Variants in HADHA observed in about 807,000 individuals in gnomAD.
HADHA encodes trifunctional enzyme subunit alpha, mitochondrial.
In HADHA, 59 loss-of-function variants were observed where a neutral mutation model predicts 91.3. The ratio of observed to expected loss-of-function variants is 0.65; its 90% confidence interval spans 0.52 to 0.80. HADHA has a LOEUF of 0.80. Ranked by LOEUF, HADHA falls within the 30% of genes least tolerant of loss-of-function variation. The pLI is 0.00. For synonymous variants in HADHA, 320 were observed against 338.9 expected, an observed-to-expected ratio of 0.94 and a Z score of 0.61; for missense variants, 800 against 927.6, an observed-to-expected ratio of 0.86 and a Z score of 1.79.
intron 1 of HADHA, among the ~76,000 whole-genome samples, chr2:26,241,176 A>G (rs933204797): frequency 2.6e-5 from 4 of 152,196 alleles, no homozygotes; most frequent in African/African-American, 9.6e-5. Context: ...AAAACCTCAT[A>G]AGACTACAGT....
chr2:26,241,689 A>G (rs1271597800), intron 1 of HADHA, among the ~76,000 whole-genome samples: 3 of 151,910 alleles, frequency 2.0e-5, no homozygotes, highest in Non-Finnish European at 4.4e-5. Context: ...CAAAAAAACC[A>G]TCTATTAAGG....
intron 12 of HADHA, 99 bp downstream of exon 12, chr2:26,203,963 G>GAACA (rs1054551534): frequency 3.4e-6 from 4 of 1,187,882 alleles, no homozygotes; most frequent in South Asian, 2.4e-5. Context: ...GTGATGGCAA[G>GAACA]AACAAACAAA....
chr2:26,200,852 C>A (rs902060760), intron 13 of HADHA, among the ~76,000 whole-genome samples: 1 of 152,056 alleles, frequency 6.6e-6, no homozygotes, highest in African/African-American at 2.4e-5. Flanking sequence ...CCTGCTTCAG[C>A]CTCCCAAATA....
intron 7 of HADHA, among the ~76,000 whole-genome samples, chr2:26,217,404 T>C (rs1007193617): frequency 1.1e-4 from 17 of 152,064 alleles, no homozygotes; most frequent in African/African-American, 4.1e-4. Context: ...TTTGAAGAAA[T>C]AATAGCCAAA....
intron 7 of HADHA, among the ~76,000 whole-genome samples, chr2:26,222,172 A>C (rs540152650): frequency 4.7e-4 from 71 of 152,310 alleles, no homozygotes; most frequent in African/African-American, 1.6e-3. Context: ...AAAAATTTGG[A>C]AACACAAAAG....
intron 1 of HADHA, among the ~76,000 whole-genome samples, chr2:26,240,490 G>T (rs114342899): frequency 1.3e-5 from 2 of 152,120 alleles, no homozygotes; most frequent in Non-Finnish European, 2.9e-5. Context: ...GGAAGAAGGG[G>T]ATAGGTAATT....
At chr2:26,212,090 C>CT (rs200187374) in intron 10 of HADHA, 2,100 of 165,168 alleles carry the variant, frequency 0.013, 36 homozygotes, top group African/African-American at 0.047. Context: ...TCTTTTTTTT[C>CT]TTTTTTTTTG....
chr2:26,244,161 G>T (rs898021363), intron 1 of HADHA, among the ~76,000 whole-genome samples: 4 of 152,270 alleles, frequency 2.6e-5, no homozygotes, highest in African/African-American at 9.6e-5. Context: ...GGGGCAAGGT[G>T]CTGTGGAGCC....
In HADHA at chr2:26,234,210, T is replaced by A; in HGVS notation, c.453+7A>T. ...ACAGTGTCTCAATAACTTTAGAATATCTATACCTCAAGTCCTCCTCCCAGG... is the reference window on the plus strand; with the variant it reads ...ACAGTGTCTCAATAACTTTAGAATAACTATACCTCAAGTCCTCCTCCCAGG... On this transcript the variant is annotated splice_region_variant and intron_variant, in intron 5 of 19. Coordinates refer to ENST00000380649, the MANE Select transcript of HADHA (RefSeq NM_000182.5). 1 of 1,612,478 alleles carries A rather than the reference T, an allele frequency of 6.2e-7. No individual in the cohort carries two copies. Among genetic ancestry groups the A allele is most frequent in the Non-Finnish European group, 8.5e-7 (1 of 1,178,466 alleles).
chr2:26,231,497 G>C (rs1288456669), intron 6 of HADHA, among the ~76,000 whole-genome samples: 1 of 152,178 alleles, frequency 6.6e-6, no homozygotes, highest in Non-Finnish European at 1.5e-5. Flanking sequence ...GAGGGAAAAG[G>C]TCTGCCTCTT....
chr2:26,230,225 T>A lies in HADHA; in HGVS notation c.643A>T (p.Met215Leu). Reference sequence around the variant, plus strand: ...TCCACCAGTTGGTCAACCAGTCCCATTTTCTTTGCCCTGTCTGCACGAATG... The same window carrying A: ...TCCACCAGTTGGTCAACCAGTCCCAATTTCTTTGCCCTGTCTGCACGAATG... ...RSIRADRAKK[M>L]GLVDQLVEPL... Residue 215 changes from methionine (M) to leucine (L), a missense_variant, in exon 7 of 20, where the codon ATG becomes TTG. By Grantham distance (15) the Met-to-Leu change is conservative (BLOSUM62 2). Coordinates refer to ENST00000380649, the MANE Select transcript of HADHA (RefSeq NM_000182.5). 6.2e-7 allele frequency: 1 copy of A among 1,613,108 alleles called. No individual in the cohort carries two copies. Among genetic ancestry groups the A allele is most frequent in the Non-Finnish European group, 8.5e-7 (1 of 1,179,106 alleles).
intron 11 of HADHA, among the ~76,000 whole-genome samples, chr2:26,209,577 G>C (rs1670045943): frequency 6.6e-6 from 1 of 152,092 alleles, no homozygotes; most frequent in Non-Finnish European, 1.5e-5. Context: ...AATGACCAGA[G>C]GGGTTTGGAA....
At chr2:26,242,368 A>C (rs987010734) in intron 1 of HADHA, among the ~76,000 whole-genome samples, 1 of 152,232 alleles carries the variant, frequency 6.6e-6, no homozygotes, top group East Asian at 1.9e-4. Flanking sequence ...ATTGCTATTA[A>C]GGGATCAGTA....
At chr2:26,199,881 C>A (rs928058559) in intron 13 of HADHA, among the ~76,000 whole-genome samples, 1 of 152,236 alleles carries the variant, frequency 6.6e-6, no homozygotes, top group Non-Finnish European at 1.5e-5. Flanking sequence ...GGTGCCCCAA[C>A]CGAGCTTCCT....
In HADHA at chr2:26,231,497, G is replaced by T. The variant is rs1288456669; in HGVS notation, c.573+663C>A. 2.6e-5 allele frequency among the ~76,000 whole-genome samples: 4 copies of T among 152,178 alleles called. No individual in the cohort carries two copies. In the East Asian group the frequency reaches 7.7e-4, roughly 29 times the overall value. The stretch of plus-strand genomic sequence containing the variant: ...TCCAAATCAGACAATGAGGGAAAAG[G>T]TCTGCCTCTTATATTTGTAATGAAA... On this transcript the variant is annotated intron_variant, in intron 6 of 19. Coordinates refer to ENST00000380649, the MANE Select transcript of HADHA (RefSeq NM_000182.5).
At chr2:26,200,933 C>T (rs753385387) in intron 13 of HADHA, among the ~76,000 whole-genome samples, 1 of 152,130 alleles carries the variant, frequency 6.6e-6, no homozygotes, top group African/African-American at 2.4e-5. Flanking sequence ...GGGGTTTCAT[C>T]ATATCGGCCA....
chr2:26,191,265 CT>C lies in HADHA; in HGVS notation c.2276del (p.Lys759ArgfsTer17). The C allele has an allele frequency of 6.2e-7, 1 of 1,612,686 alleles. No individual in the cohort carries two copies. Among genetic ancestry groups the C allele is most frequent in the Non-Finnish European group, 8.5e-7 (1 of 1,180,004 alleles). ...TGAGGCCTGCTCACTGGTAGAACTT[CT>C]TGTTAGGGCTGTTAGCATGGTCAGC... The part of the protein sequence containing the change: ...LLADHANSPN[K>X]KFYQ On this transcript the variant is annotated frameshift_variant, in exon 20 of 20. Coordinates refer to ENST00000380649, the MANE Select transcript of HADHA (RefSeq NM_000182.5). LOFTEE classifies it high-confidence loss of function.
intron 18 of HADHA, 152 bp from the exon 19 acceptor site, chr2:26,191,780 C>T (rs1249129900): frequency 1.3e-6 from 1 of 776,366 alleles, no homozygotes. Context: ...CTGGGTGAAC[C>T]AAACTTTCCC....
In HADHA at chr2:26,210,669, T is replaced by G. The variant is rs746158001; in HGVS notation, c.976-780A>C. ...TCGAACTCCGGTTCTTTTTCCACTG[T>G]AGCAGGCTGCCCACGTGGGACTTAC... On this transcript the variant is annotated intron_variant, in intron 10 of 19. Transcript: ENST00000380649. This position sits in a 1 kb window ranked among gnomAD's most constrained non-coding sequence, Gnocchi z 4.0. 1 of 152,246 alleles carries G rather than the reference T, an allele frequency of 6.6e-6. No homozygotes were observed. The highest frequency in any genetic ancestry group is 1.5e-5 in the Non-Finnish European group (1 of 68,076). The allele number at this position is 152,246 out of a possible 1,614,324, so 9.4% of individuals were successfully genotyped here. A position where few individuals can be genotyped will look rare whatever the true frequency, so the allele number is the denominator to read the frequency against.
Sources: gnomAD v4.1 joint callset for allele counts (sites outside exome capture counted in the v4.1 genomes callset) on GRCh38, gnomAD v4.1.1 for gene constraint, Gnocchi (gnomAD v3.1) non-coding constraint, MANE v1.5 for transcripts, NCBI Gene and HGNC (gene_info 2026-07-23, HGNC 2026-07-21) for gene names.